Variants in SMYD3 observed in about 807,000 individuals in gnomAD.
The protein encoded by SMYD3 is SET and MYND domain containing 3.
A neutral mutation model predicts 57.7 loss-of-function variants in SMYD3; 36 were observed. That is an observed-to-expected ratio of 0.62 (90% CI 0.48 to 0.82). The LOEUF is 0.82. SMYD3 is among the 40% of genes least tolerant of loss of function. SMYD3 has a pLI of 0.00. For synonymous variants in SMYD3, 211 were observed against 195.0 expected (o/e 1.08, Z -0.68); for missense variants, 515 against 538.8 (o/e 0.96, Z 0.44).
At chr1:245,863,721 G>A (rs1290646038) in intron 9 of SMYD3, 78 bp downstream of exon 9, 4 of 1,351,258 alleles carry the variant, frequency 3.0e-6, no homozygotes, top group South Asian at 1.2e-5. Flanking sequence ...CCCCGCCTCT[G>A]ACCTCATTAC....
At chr1:245,922,789 T>C (rs935440645) in intron 7 of SMYD3, among the ~76,000 whole-genome samples, 1 of 152,194 alleles carries the variant, frequency 6.6e-6, no homozygotes, top group South Asian at 2.1e-4. Flanking sequence ...CCACACTGCG[T>C]AGTAGTAAGT....
chr1:245,758,745 A>AT (rs1272223713), intron 11 of SMYD3, among the ~76,000 whole-genome samples: 1 of 152,170 alleles, frequency 6.6e-6, no homozygotes, highest in East Asian at 1.9e-4. Flanking sequence ...TTGATGAAGC[A>AT]TTTTTATCAT....
intron 5 of SMYD3, among the ~76,000 whole-genome samples, chr1:246,180,206 A>G (rs988923786): frequency 1.4e-5 from 2 of 147,852 alleles, no homozygotes; most frequent in African/African-American, 4.9e-5. Flanking sequence ...ATATATATAC[A>G]CATATATTAG....
rs145514260 is a variant in SMYD3 at position 246,234,883 on chromosome 1, G to C, written c.531+92318C>G. On this transcript the variant is annotated intron_variant, in intron 5 of 11. Coordinates refer to ENST00000490107, the MANE Select transcript of SMYD3 (RefSeq NM_001167740.2). ...TTTAAACCAATTCAAAAGCAACATA[G>C]AGAGACTAAAACCTGTACTGAAGAA... Among the ~76,000 whole-genome samples the C allele has an allele frequency of 1.7e-3, 261 of 152,230 alleles. 1 individual carries two copies. The highest frequency in any genetic ancestry group is 6.2e-3 in the African/African-American group (256 of 41,550).
chr1:245,810,970 T>A (rs948382084), intron 10 of SMYD3, among the ~76,000 whole-genome samples: 4 of 152,246 alleles, frequency 2.6e-5, no homozygotes, highest in Admixed American at 6.5e-5. Flanking sequence ...AAATCCCTAG[T>A]GCTCATTACA....
intron 5 of SMYD3, among the ~76,000 whole-genome samples, chr1:246,260,447 T>TTGTTGTTG (rs1558357492): frequency 6.6e-6 from 1 of 151,806 alleles, no homozygotes. Context: ...TGTTGTTGTT[T>TTGTTGTTG]TTTGTTTGTT....
At chr1:245,765,222 TTA>T (rs543711843) in intron 10 of SMYD3, among the ~76,000 whole-genome samples, 5,380 of 99,932 alleles carry the variant, frequency 0.054, 204 homozygotes, top group East Asian at 0.28. Flanking sequence ...CCTTTCTCTA[TTA>T]AAAAAAAAAA....
intron 1 of SMYD3, among the ~76,000 whole-genome samples, chr1:246,414,448 C>T (rs1301318913): frequency 6.6e-6 from 1 of 152,134 alleles, no homozygotes; most frequent in East Asian, 1.9e-4. Flanking sequence ...GAACCAAAGC[C>T]TGTCTCTTCT....
At chr1:245,816,510 A>G (rs1259984768) in intron 10 of SMYD3, among the ~76,000 whole-genome samples, 1 of 109,932 alleles carries the variant, frequency 9.1e-6, no homozygotes, top group African/African-American at 3.3e-5. Context: ...GGTCCCCTTC[A>G]TCTATGTAAA....
chr1:246,302,363 C>A (rs912009673), intron 5 of SMYD3, among the ~76,000 whole-genome samples: 6 of 152,024 alleles, frequency 3.9e-5, no homozygotes, highest in Admixed American at 1.3e-4. Flanking sequence ...TCAGTCATAG[C>A]CAACAAATTC....
intron 1 of SMYD3, among the ~76,000 whole-genome samples, chr1:246,437,109 G>T (rs2067391462): frequency 1.3e-5 from 2 of 152,064 alleles, no homozygotes; most frequent in African/African-American, 4.8e-5. Flanking sequence ...ACGTTGGTCA[G>T]GCTGGTCTCG....
intron 1 of SMYD3, among the ~76,000 whole-genome samples, chr1:246,372,235 G>C (rs1013666405): frequency 1.3e-5 from 2 of 152,224 alleles, no homozygotes; most frequent in African/African-American, 4.8e-5. Context: ...GTTGGTGCAA[G>C]CACTTTGATG....
In SMYD3 at chr1:246,184,767, C is replaced by A. The variant is rs146408936; in HGVS notation, c.531+142434G>T. On this transcript the variant is annotated intron_variant, in intron 5 of 11. Coordinates refer to ENST00000490107, the MANE Select transcript of SMYD3 (RefSeq NM_001167740.2). ...GCCATGTGAGGACTTAGCAAGGAGG[C>A]ACCATCTGCAAGCCAGGAAGAGAGA... Among the ~76,000 whole-genome samples the A allele has an allele frequency of 1.5e-3, 224 of 152,294 alleles. 2 individuals are homozygous for A. In the South Asian group the frequency reaches 0.016, roughly 11 times the overall value.
chr1:246,370,120 G>C (rs1460529406), intron 1 of SMYD3, among the ~76,000 whole-genome samples: 1 of 152,090 alleles, frequency 6.6e-6, no homozygotes, highest in Non-Finnish European at 1.5e-5. Flanking sequence ...TATCCTTGTG[G>C]AGCCTGTGCC....
At position 246,104,906 on chromosome 1, in the gene SMYD3, T is replaced by C. The variant is rs149928506; in HGVS notation, c.532-174969A>G. Among the ~76,000 whole-genome samples the C allele has an allele frequency of 2.6e-3, 391 of 152,110 alleles. 2 individuals are homozygous for C. Among genetic ancestry groups the C allele is most frequent in the African/African-American group, 9.0e-3 (372 of 41,494 alleles). ...AAAGCAGAGCTGGAGAGCAGAGCAA[T>C]GAAAATATTTTTTATCAGGACTACA... On this transcript the variant is annotated intron_variant, in intron 5 of 11. Transcript: ENST00000490107.
At chr1:246,068,491 TGATG>T (rs1238570963) in intron 5 of SMYD3, among the ~76,000 whole-genome samples, 1 of 152,190 alleles carries the variant, frequency 6.6e-6, no homozygotes, top group Non-Finnish European at 1.5e-5. Context: ...AAGTCTTTGC[TGATG>T]GATGCAGAGC....
At chr1:246,301,407 G>A (rs574552142) in intron 5 of SMYD3, among the ~76,000 whole-genome samples, 1 of 152,070 alleles carries the variant, frequency 6.6e-6, no homozygotes, top group Non-Finnish European at 1.5e-5. Context: ...ATAGGTGCCC[G>A]AAAGGGAGGT....
At chr1:245,855,199 A>G (rs1261463890) in intron 10 of SMYD3, among the ~76,000 whole-genome samples, 4 of 152,148 alleles carry the variant, frequency 2.6e-5, no homozygotes, top group Non-Finnish European at 5.9e-5. Flanking sequence ...AGCCGGAAAC[A>G]CCCTCTATAT....
intron 5 of SMYD3, among the ~76,000 whole-genome samples, chr1:245,931,970 A>G (rs1048575844): frequency 1.3e-5 from 2 of 152,260 alleles, no homozygotes; most frequent in African/African-American, 4.8e-5. Context: ...TGCATTAAGC[A>G]GCAACAGTAC....
Sources: allele counts gnomAD v4.1 joint callset (sites outside exome capture counted in the v4.1 genomes callset), GRCh38; gene constraint gnomAD v4.1.1; transcripts MANE v1.5; gene names NCBI Gene and HGNC (gene_info 2026-07-23, HGNC 2026-07-21).